CDKN2B-AS1: variants seen among roughly 807,000 people sequenced by gnomAD.
CDKN2B-AS1 encodes CDKN2B and CDKN2A antisense cis and trans regulatory RNA 1, also known as CDKN2B antisense RNA 1 (non-protein coding).
chr9:22,076,168 C>T (rs529172657), intron 4 of CDKN2B-AS1, among the ~76,000 whole-genome samples: 2 of 152,272 alleles, frequency 1.3e-5, no homozygotes, highest in Non-Finnish European at 2.9e-5. Context: ...ATTCTCCTGT[C>T]TCAACCTCCC....
chr9:22,070,214 T>C (rs1824234476), intron 4 of CDKN2B-AS1, among the ~76,000 whole-genome samples: 1 of 152,186 alleles, frequency 6.6e-6, no homozygotes, highest in Non-Finnish European at 1.5e-5. Flanking sequence ...CAGGAGTCAG[T>C]AATGTTCCAG....
intron 4 of CDKN2B-AS1, chr9:22,118,697 A>G (rs529104471): frequency 6.6e-6 from 1 of 152,366 alleles, no homozygotes; most frequent in East Asian, 1.9e-4. Flanking sequence ...ATAAAACTTA[A>G]TCCCTTAAGT....
At chr9:22,081,758 C>T (rs574111853) in intron 4 of CDKN2B-AS1, among the ~76,000 whole-genome samples, 3 of 152,350 alleles carry the variant, frequency 2.0e-5, no homozygotes, top group Admixed American at 6.5e-5. Flanking sequence ...GTTTCCCCAT[C>T]TGGCACCCAA....
At chr9:22,127,447 G>A (rs1397132223) in exon 5 of CDKN2B-AS1, among the ~76,000 whole-genome samples, 1 of 152,164 alleles carries the variant, frequency 6.6e-6, no homozygotes, top group African/African-American at 2.4e-5. Flanking sequence ...TTTTGAGGAT[G>A]GATTATTCAT....
rs2131163281 is a variant in CDKN2B-AS1, at chr9:21,999,239, T to C, written n.29+4078T>C. 6.6e-6 allele frequency among the ~76,000 whole-genome samples: 1 copy of C among 151,960 alleles called. No homozygotes were observed. The highest frequency in any genetic ancestry group is 6.6e-5 in the Admixed American group (1 of 15,266). On this transcript the variant is annotated intron_variant and non_coding_transcript_variant, in intron 1 of 4. Transcript: ENST00000650946. This position sits in a 1 kb window ranked among gnomAD's most constrained non-coding sequence, Gnocchi z 4.7. ...ATATAGGTACCCTTTGACTCAGCTA[T>C]TCCACTATTTTAAGTATGTAAAGAC...
intron 1 of CDKN2B-AS1, chr9:22,008,685 C>T (rs1337977360): frequency 6.2e-7 from 1 of 1,609,866 alleles, no homozygotes; most frequent in Non-Finnish European, 8.5e-7. Context: ...CTCCGGCCAA[C>T]GGAGACTCCT....
At chr9:22,010,700 T>C (rs1821454892) in intron 1 of CDKN2B-AS1, among the ~76,000 whole-genome samples, 1 of 152,192 alleles carries the variant, frequency 6.6e-6, no homozygotes, top group Non-Finnish European at 1.5e-5. Context: ...CCGGGTAGCA[T>C]TAATAACAAT....
chr9:22,084,058 A>G (rs1458405039), intron 4 of CDKN2B-AS1, among the ~76,000 whole-genome samples: 1 of 152,218 alleles, frequency 6.6e-6, no homozygotes. Flanking sequence ...CTTAAGATTC[A>G]TGCATTGTTG....
chr9:22,015,895 T>A (rs909342073), intron 1 of CDKN2B-AS1, among the ~76,000 whole-genome samples: 11 of 152,312 alleles, frequency 7.2e-5, no homozygotes, highest in Middle Eastern at 3.4e-3. Flanking sequence ...AATGTCTTCT[T>A]TTGAGAAGTG....
chr9:22,075,078 T>G (rs1305369763), intron 4 of CDKN2B-AS1, among the ~76,000 whole-genome samples: 1 of 152,224 alleles, frequency 6.6e-6, no homozygotes, highest in African/African-American at 2.4e-5. Flanking sequence ...TTAAATACAT[T>G]TACTTAAAAA....
chr9:22,028,322 C>T (rs1354476675), intron 1 of CDKN2B-AS1, among the ~76,000 whole-genome samples: 1 of 151,888 alleles, frequency 6.6e-6, no homozygotes, highest in African/African-American at 2.4e-5. Flanking sequence ...TCAGAAAAAC[C>T]TTGGCAGAGT....
chr9:22,099,042 T>C (rs1003818542), intron 4 of CDKN2B-AS1, among the ~76,000 whole-genome samples: 101 of 152,156 alleles, frequency 6.6e-4, no homozygotes, highest in Non-Finnish European at 2.5e-4. Context: ...AGGGTGTTAG[T>C]ACAGAAAGGA....
chr9:22,022,890 A>T (rs1161936365), intron 1 of CDKN2B-AS1, among the ~76,000 whole-genome samples: 1 of 152,078 alleles, frequency 6.6e-6, no homozygotes. Flanking sequence ...TATGAAACTT[A>T]GTTTGACCAG....
intron 1 of CDKN2B-AS1, chr9:22,009,329 C>A (rs191200920): frequency 1.2e-5 from 5 of 407,530 alleles, no homozygotes; most frequent in Non-Finnish European, 1.8e-5. Flanking sequence ...GCAAAGAATT[C>A]CGTTTTCAGC....
At chr9:22,068,031 T>G (rs1410659125) in intron 4 of CDKN2B-AS1, among the ~76,000 whole-genome samples, 1 of 152,206 alleles carries the variant, frequency 6.6e-6, no homozygotes, top group African/African-American at 2.4e-5. Context: ...CTTTTGGGTC[T>G]GTGTAGCCCC....
chr9:22,049,457 T>C (rs112096783), intron 3 of CDKN2B-AS1, among the ~76,000 whole-genome samples: 2,407 of 133,890 alleles, frequency 0.018, 32 homozygotes, highest in Middle Eastern at 0.074. Context: ...CTTGTGAAGC[T>C]TCTTTTGTCC....
At chr9:22,089,546 T>A (rs943103234) in intron 4 of CDKN2B-AS1, among the ~76,000 whole-genome samples, 7 of 152,148 alleles carry the variant, frequency 4.6e-5, no homozygotes, top group Admixed American at 2.0e-4. Flanking sequence ...TCTTCCCACC[T>A]CTGCCTCCCA....
At chr9:22,091,732 T>C (rs149640842) in intron 4 of CDKN2B-AS1, among the ~76,000 whole-genome samples, 17,333 of 152,170 alleles carry the variant, frequency 0.11, 3,349 homozygotes, top group African/African-American at 0.4. Flanking sequence ...GCTGAGACGA[T>C]GGGGTTTTCT....
At chr9:22,099,174 C>G (rs1825394752) in intron 4 of CDKN2B-AS1, among the ~76,000 whole-genome samples, 1 of 152,070 alleles carries the variant, frequency 6.6e-6, no homozygotes, top group African/African-American at 2.4e-5. Flanking sequence ...ACAACATGTA[C>G]AAAAGCACAG....
Sources: gnomAD v4.1 joint callset for allele counts (sites outside exome capture counted in the v4.1 genomes callset) on GRCh38, gnomAD v4.1.1 for gene constraint, Gnocchi (gnomAD v3.1) non-coding constraint, MANE v1.5 for transcripts, NCBI Gene and HGNC (gene_info 2026-07-23, HGNC 2026-07-21) for gene names.